PCDH9: variants seen among roughly 807,000 people sequenced by gnomAD.
The protein encoded by PCDH9 is protocadherin 9.
In PCDH9, 24 loss-of-function variants were observed where a neutral mutation model predicts 70.6. The observed-to-expected ratio is 0.34, with a 90% confidence interval of 0.25 to 0.48. PCDH9 has a LOEUF of 0.48. Among genes scored for constraint, PCDH9 ranks in the 20% least tolerant of loss-of-function variants. PCDH9 has a pLI of 0.99. For synonymous variants in PCDH9, 562 were observed against 558.5 expected (o/e 1.01, Z -0.09); for missense variants, 1,281 against 1,503.6 (o/e 0.85, Z 2.45).
intron 3 of PCDH9, among the ~76,000 whole-genome samples, chr13:66,722,875 G>A (rs1046854834): frequency 1.3e-5 from 2 of 151,280 alleles, no homozygotes; most frequent in Non-Finnish European, 2.9e-5. Flanking sequence ...GGCTGAGGCA[G>A]GAAAATTGCT....
Position 67,226,409 on chromosome 13 carries a change from G to A in PCDH9, c.2032C>T (p.Pro678Ser). 2 of 1,614,160 alleles carry A rather than the reference G, an allele frequency of 1.2e-6. No homozygotes were observed. The highest frequency in any genetic ancestry group is 1.7e-6 in the Non-Finnish European group (2 of 1,180,016). ...AACTTAAAGGAAGTATTAGACGGTG[G>A]AGAAATGACAACTGGGCTGTTGTCA... ...VNDNSPVVIS[P>S]PSNTSFKLVP... Residue 678 changes from proline (P) to serine (S), a missense_variant, in exon 2 of 5, where the codon CCA (proline) becomes TCA (serine). By Grantham distance (74) the Pro-to-Ser change is moderately conservative. Coordinates refer to ENST00000377865, the MANE Select transcript of PCDH9 (RefSeq NM_203487.3). The surrounding 1 kb of genome is among the most constrained non-coding windows in gnomAD (Gnocchi z 5.0).
At chr13:67,074,713 C>T (rs1387749940) in intron 2 of PCDH9, among the ~76,000 whole-genome samples, 1 of 152,026 alleles carries the variant, frequency 6.6e-6, no homozygotes, top group East Asian at 1.9e-4. Context: ...TAAGAAAAAA[C>T]TTTGGAGGAC....
At chr13:67,076,393 T>C (rs1485673935) in intron 2 of PCDH9, among the ~76,000 whole-genome samples, 1 of 152,102 alleles carries the variant, frequency 6.6e-6, no homozygotes, top group Non-Finnish European at 1.5e-5. Flanking sequence ...AATTGGTAAA[T>C]CAAATAGCTG....
intron 2 of PCDH9, among the ~76,000 whole-genome samples, chr13:66,962,073 A>T (rs1002948755): frequency 6.6e-6 from 1 of 152,122 alleles, no homozygotes. Context: ...ACAAAACAAA[A>T]AAAAAAGAAA....
At chr13:67,068,479 T>G (rs565520482) in intron 2 of PCDH9, among the ~76,000 whole-genome samples, 65 of 152,146 alleles carry the variant, frequency 4.3e-4, no homozygotes, top group African/African-American at 1.5e-3. Flanking sequence ...TTTAGAAAAT[T>G]AGGAGCTACA....
intron 4 of PCDH9, among the ~76,000 whole-genome samples, chr13:66,406,491 G>C (rs1017619051): frequency 2.6e-5 from 4 of 152,142 alleles, no homozygotes; most frequent in Non-Finnish European, 5.9e-5. Context: ...TTTGACTTAG[G>C]CTCCTTACTT....
At chr13:66,483,758 G>A (rs1010245452) in intron 4 of PCDH9, among the ~76,000 whole-genome samples, 3 of 152,094 alleles carry the variant, frequency 2.0e-5, no homozygotes, top group Admixed American at 6.5e-5. Context: ...CCAACCCCAC[G>A]GACCTAGGTG....
chr13:66,737,553 A>C (rs2079172322), intron 3 of PCDH9, among the ~76,000 whole-genome samples: 1 of 152,178 alleles, frequency 6.6e-6, no homozygotes, highest in African/African-American at 2.4e-5. Context: ...GACGCAGAAG[A>C]CGGGTGATTT....
chr13:66,445,478 C>A (rs1958057810), intron 4 of PCDH9, among the ~76,000 whole-genome samples: 1 of 139,104 alleles, frequency 7.2e-6, no homozygotes. Flanking sequence ...AATATATATA[C>A]ACATAAAATA....
chr13:66,495,175 A>G (rs1298325584), intron 4 of PCDH9, among the ~76,000 whole-genome samples: 1 of 152,190 alleles, frequency 6.6e-6, no homozygotes, highest in Non-Finnish European at 1.5e-5. Flanking sequence ...AAAAGTAAGT[A>G]CAAAAAGAAA....
At chr13:66,897,292 A>T (rs935371588) in intron 3 of PCDH9, among the ~76,000 whole-genome samples, 1 of 152,060 alleles carries the variant, frequency 6.6e-6, no homozygotes, top group Non-Finnish European at 1.5e-5. Flanking sequence ...GAGACAGATT[A>T]ATATATGACT....
At chr13:66,850,216 T>G (rs1203723017) in intron 3 of PCDH9, among the ~76,000 whole-genome samples, 2 of 152,190 alleles carry the variant, frequency 1.3e-5, no homozygotes, top group Non-Finnish European at 2.9e-5. Flanking sequence ...AAGGTACAAC[T>G]ATCAGAAAGT....
intron 3 of PCDH9, among the ~76,000 whole-genome samples, chr13:66,651,627 A>T (rs2077852985): frequency 2.0e-5 from 3 of 152,122 alleles, no homozygotes; most frequent in Admixed American, 1.3e-4. Flanking sequence ...ATTCCAAAAA[A>T]TAGATGAGGA....
chr13:66,788,350 G>T (rs1043296245), intron 3 of PCDH9, among the ~76,000 whole-genome samples: 1 of 152,116 alleles, frequency 6.6e-6, no homozygotes, highest in Admixed American at 6.6e-5. Context: ...TTCAACACAT[G>T]AATTTCAAAG....
intron 4 of PCDH9, among the ~76,000 whole-genome samples, chr13:66,591,705 C>A (rs1416851987): frequency 6.6e-6 from 1 of 150,780 alleles, no homozygotes; most frequent in African/African-American, 2.4e-5. Flanking sequence ...TTGAATAAGC[C>A]ATTAAAAAAA....
At chr13:67,064,836 G>A (rs1247843084) in intron 2 of PCDH9, among the ~76,000 whole-genome samples, 3 of 151,828 alleles carry the variant, frequency 2.0e-5, no homozygotes, top group Middle Eastern at 3.2e-3. Context: ...CATTCAAAGG[G>A]GTAAAGTATA....
At chr13:67,019,454 C>T (rs1343200207) in intron 2 of PCDH9, among the ~76,000 whole-genome samples, 1 of 152,216 alleles carries the variant, frequency 6.6e-6, no homozygotes, top group Non-Finnish European at 1.5e-5. Context: ...CTCAGCCTCC[C>T]AAAGTGCTGG....
intron 2 of PCDH9, among the ~76,000 whole-genome samples, chr13:66,993,854 A>G (rs1594363539): frequency 6.6e-6 from 1 of 152,136 alleles, no homozygotes. Context: ...GGGAAATTGG[A>G]TTTGCTGATT....
chr13:66,558,029 C>T (rs1961814689), intron 4 of PCDH9, among the ~76,000 whole-genome samples: 1 of 152,058 alleles, frequency 6.6e-6, no homozygotes, highest in South Asian at 2.1e-4. Context: ...GGGGTGTGTG[C>T]TTGTAGTTCC....
Sources: allele counts gnomAD v4.1 joint callset (sites outside exome capture counted in the v4.1 genomes callset), GRCh38; gene constraint gnomAD v4.1.1; non-coding constraint Gnocchi (gnomAD v3.1); transcripts MANE v1.5; gene names NCBI Gene and HGNC (gene_info 2026-07-23, HGNC 2026-07-21).